TRIML2: variants seen among roughly 807,000 people sequenced by gnomAD.
The protein encoded by TRIML2 is tripartite motif family like 2.
TRIML2 carries 28 observed loss-of-function variants against 31.2 expected under a neutral mutation model. The ratio of observed to expected loss-of-function variants is 0.90; its 90% CI spans 0.66 to 1.23. The LOEUF (loss-of-function observed/expected upper bound fraction) is 1.23, where lower values mean the gene tolerates loss of function less well. TRIML2 is among the 50% of genes most tolerant of loss of function. TRIML2 has a pLI of 0.00. For missense variants in TRIML2, 536 were observed against 528.3 expected (o/e 1.01, Z -0.14); for synonymous variants, 187 against 197.5 (o/e 0.95, Z 0.45).
At chr4:188,099,004 G>T (rs371947556) in intron 5 of TRIML2, 31 bp downstream of exon 5, 11 of 1,612,854 alleles carry the variant, frequency 6.8e-6, no homozygotes, top group Middle Eastern at 1.7e-4. Context: ...ATACTGGAAT[G>T]AATTTTATTT....
intron 5 of TRIML2, among the ~76,000 whole-genome samples, chr4:188,098,460 G>A (rs938621166): frequency 1.3e-5 from 2 of 152,110 alleles, no homozygotes; most frequent in Non-Finnish European, 2.9e-5. Context: ...CAATACCATC[G>A]CCTTGGGGGA....
chr4:188,107,615 C>T (rs1180396510), intron 1 of TRIML2, among the ~76,000 whole-genome samples: 1 of 152,188 alleles, frequency 6.6e-6, no homozygotes, highest in Admixed American at 6.5e-5. Flanking sequence ...GGATCATTGC[C>T]CACTGGCTGG....
chr4:188,098,921 G>A, intron 5 of TRIML2, 114 bp downstream of exon 5: 1 of 1,210,778 alleles, frequency 8.3e-7, no homozygotes, highest in Non-Finnish European at 1.1e-6. Context: ...GCCTTCTTTT[G>A]TGGTTGAAGA....
intron 5 of TRIML2, 147 bp downstream of exon 5, chr4:188,098,888 G>C: frequency 1.1e-6 from 1 of 874,708 alleles, no homozygotes; most frequent in Non-Finnish European, 1.7e-6. Flanking sequence ...TAAAGCTTTT[G>C]GCAGCTGAAA....
rs775851992 is a variant in TRIML2, at chr4:188,091,822, A to T, written c.865T>A (p.Phe289Ile). ...DGAGNPERLD[F>I]SAMVLAAESF... ...TCCGCAGCCAGCACCATGGCACTGA[A>T]ATCCAATCTTTCTGGGTTGCCAGCC... Residue 289 changes from phenylalanine to isoleucine, a missense_variant, in exon 8 of 8, where the codon TTC (phenylalanine) becomes ATC (isoleucine). Physicochemically the swap from Phe to Ile is conservative, Grantham distance 21. Transcript: ENST00000682553. The T allele has an allele frequency of 1.1e-4, 175 of 1,614,020 alleles. No individual in the cohort carries two copies. Among genetic ancestry groups the T allele is most frequent in the Non-Finnish European group, 1.4e-4 (164 of 1,180,032 alleles).
At chr4:188,092,445 A>T (rs1733309588) in intron 7 of TRIML2, among the ~76,000 whole-genome samples, 1 of 149,324 alleles carries the variant, frequency 6.7e-6, no homozygotes, top group African/African-American at 2.5e-5. Context: ...TGGGCGACAG[A>T]GCAAGACTCC....
At chr4:188,101,805 T>C (rs1386231913) in intron 3 of TRIML2, among the ~76,000 whole-genome samples, 1 of 151,702 alleles carries the variant, frequency 6.6e-6, no homozygotes, top group Non-Finnish European at 1.5e-5. Context: ...TCAACACAAT[T>C]TTAGAACATA....
intron 7 of TRIML2, among the ~76,000 whole-genome samples, chr4:188,093,477 C>A (rs1733355295): frequency 6.6e-6 from 1 of 151,828 alleles, no homozygotes; most frequent in Admixed American, 6.6e-5. Context: ...ACTTTGAGAC[C>A]AGCCTGGCGA....
chr4:188,094,316 G>A (rs913759264), intron 7 of TRIML2, among the ~76,000 whole-genome samples: 1 of 152,162 alleles, frequency 6.6e-6, no homozygotes, highest in African/African-American at 2.4e-5. Flanking sequence ...TTACAGACTG[G>A]AAAGGCAGAA....
intron 3 of TRIML2, among the ~76,000 whole-genome samples, chr4:188,102,627 G>T (rs899554858): frequency 1.3e-5 from 2 of 151,932 alleles, no homozygotes; most frequent in Admixed American, 1.3e-4. Flanking sequence ...AAGGCAGGTG[G>T]ATCATGGGGT....
At chr4:188,095,325 A>G (rs1403475414) in intron 7 of TRIML2, among the ~76,000 whole-genome samples, 1 of 152,252 alleles carries the variant, frequency 6.6e-6, no homozygotes, top group Non-Finnish European at 1.5e-5. Context: ...AGACAGTATT[A>G]GGAAAATGAG....
At chr4:188,104,094 T>G (rs559510288) in intron 3 of TRIML2, among the ~76,000 whole-genome samples, 1 of 152,296 alleles carries the variant, frequency 6.6e-6, no homozygotes, top group South Asian at 2.1e-4. Flanking sequence ...AATTGCTCTT[T>G]AAAGGGTTTT....
rs928858982 is a variant in TRIML2 at position 188,101,326 on chromosome 4, G to A, written c.286-76C>T. ...ACACACACACACGTCATAATAGATA[G>A]ATATCTATATCTATATATAGATATA... On this transcript the variant is annotated intron_variant, in intron 3 of 7. Transcript: ENST00000682553. 1.4e-5 allele frequency: 11 copies of A among 776,332 alleles called. No homozygotes were observed. In the African/African-American group the frequency reaches 1.8e-4, roughly 12 times the overall value. The allele number at this position is 776,332 out of a possible 1,614,324, so 48.1% of individuals were successfully genotyped here.
chr4:188,102,660 C>T (rs1292022673), intron 3 of TRIML2, among the ~76,000 whole-genome samples: 1 of 151,790 alleles, frequency 6.6e-6, no homozygotes, highest in African/African-American at 2.4e-5. Context: ...ACCAGCCTGA[C>T]CAACATGGTG....
At chr4:188,096,160 A>G (rs1733499315) in intron 7 of TRIML2, among the ~76,000 whole-genome samples, 1 of 152,140 alleles carries the variant, frequency 6.6e-6, no homozygotes, top group African/African-American at 2.4e-5. Flanking sequence ...GCACTTTGGG[A>G]GCCTGAGGCG....
intron 3 of TRIML2, 139 bp from the exon 4 acceptor site, chr4:188,101,389 C>G: frequency 6.2e-6 from 3 of 486,486 alleles, no homozygotes; most frequent in East Asian, 6.8e-5. Flanking sequence ...CTTTCCATCT[C>G]TAACCCCAAT....
intron 5 of TRIML2, 162 bp downstream of exon 5, chr4:188,098,873 A>G (rs1733644088): frequency 2.6e-6 from 2 of 761,722 alleles, no homozygotes; most frequent in South Asian, 3.9e-5. Context: ...AGCTATGACC[A>G]TTCCTAAAGC....
chr4:188,097,914 G>C (rs1244566759), intron 5 of TRIML2, among the ~76,000 whole-genome samples: 4 of 152,130 alleles, frequency 2.6e-5, no homozygotes, highest in African/African-American at 4.8e-5. Flanking sequence ...CTGAGGTCGG[G>C]AGTTTAAGAC....
chr4:188,106,207 GC>G (rs10706407), intron 1 of TRIML2, among the ~76,000 whole-genome samples: 66,276 of 151,570 alleles, frequency 0.44, 15,309 homozygotes, highest in African/African-American at 0.61. Flanking sequence ...CCGCCACCTC[GC>G]CCGGCTAATT....
Sources: allele counts gnomAD v4.1 joint callset (sites outside exome capture counted in the v4.1 genomes callset), GRCh38; gene constraint gnomAD v4.1.1; transcripts MANE v1.5; gene names NCBI Gene and HGNC (gene_info 2026-07-23, HGNC 2026-07-21).